Variants in SNX24 observed in about 807,000 individuals in gnomAD.
SNX24 encodes sorting nexin 24.
SNX24 carries 22 observed loss-of-function variants against 28.7 expected under a neutral mutation model. The ratio of observed to expected loss-of-function variants is 0.77; its 90% CI spans 0.55 to 1.10. The LOEUF is 1.10. Among genes scored for constraint, SNX24 ranks in the 50% least tolerant of loss-of-function variants. The pLI, the probability that SNX24 is intolerant of heterozygous loss-of-function variation, is 0.00. For synonymous variants in SNX24, 69 were observed against 71.5 expected (o/e 0.96, Z 0.18); for missense variants, 221 against 201.1 (o/e 1.10, Z -0.60).
chr5:122,941,858 T>C (rs1759464346), intron 2 of SNX24, among the ~76,000 whole-genome samples: 1 of 152,212 alleles, frequency 6.6e-6, no homozygotes, highest in African/African-American at 2.4e-5. Flanking sequence ...TTGTAGCTCC[T>C]CTGCTAGTAC....
At position 122,853,865 on chromosome 5, in the gene SNX24, G is replaced by C. The variant is rs554537058; in HGVS notation, c.60+8172G>C. On this transcript the variant is annotated intron_variant, in intron 1 of 6. Coordinates refer to ENST00000261369, the MANE Select transcript of SNX24 (RefSeq NM_014035.4). ...CTAGGAGTGTACAATCAAATGACTG[G>C]TTTTAAAATCACTTGGATTGGTTCT... 5 of 161,480 alleles carry C rather than the reference G, an allele frequency of 3.1e-5. No homozygotes were observed. The South Asian group carries it at 6.6e-4, about 21-fold the overall frequency. 10.0% of individuals were successfully genotyped at this position (161,480 alleles called of 1,614,324 possible). A position where few individuals can be genotyped will look rare whatever the true frequency, so the allele number is the denominator to read the frequency against.
chr5:122,954,749 G>GT (rs1454534927), intron 3 of SNX24, among the ~76,000 whole-genome samples: 1 of 151,338 alleles, frequency 6.6e-6, no homozygotes, highest in Non-Finnish European at 1.5e-5. Context: ...CAGTCATATT[G>GT]TTTTTCCCCT....
At chr5:123,018,940 C>T (rs1266423893) in intron 5 of SNX24, among the ~76,000 whole-genome samples, 1 of 152,186 alleles carries the variant, frequency 6.6e-6, no homozygotes, top group Admixed American at 6.5e-5. Context: ...CCGCCTCGGC[C>T]TCCCAAAGTG....
chr5:122,935,906 C>G (rs1759160360), intron 1 of SNX24, among the ~76,000 whole-genome samples: 1 of 152,116 alleles, frequency 6.6e-6, no homozygotes, highest in South Asian at 2.1e-4. Flanking sequence ...TCTCACTTAG[C>G]AAAACACAAG....
intron 3 of SNX24, among the ~76,000 whole-genome samples, chr5:122,954,349 A>G (rs984034512): frequency 2.0e-5 from 3 of 152,044 alleles, no homozygotes; most frequent in African/African-American, 4.8e-5. Flanking sequence ...AATGTCTTGT[A>G]TTTTAACTTG....
Position 122,964,000 on chromosome 5 carries a change from C to T in SNX24, c.249+17841C>T, listed in dbSNP as rs563925758. On this transcript the variant is annotated intron_variant, in intron 3 of 6. Coordinates refer to ENST00000261369, the MANE Select transcript of SNX24 (RefSeq NM_014035.4). ...GCTCATGCCTGTAATCCCAGGACTT[C>T]GGGAGGCTGAGGTGGGCAGATCACA... Among the ~76,000 whole-genome samples the T allele has an allele frequency of 3.9e-5, 6 of 151,972 alleles. No homozygotes were observed. The East Asian group carries it at 5.8e-4, about 15-fold the overall frequency.
chr5:122,991,045 C>T (rs771124432), intron 3 of SNX24, among the ~76,000 whole-genome samples: 32 of 151,840 alleles, frequency 2.1e-4, no homozygotes, highest in Non-Finnish European at 3.7e-4. Context: ...TACAGGTGCC[C>T]ACCACCACAC....
chr5:122,929,274 C>T (rs1304982200), intron 1 of SNX24, among the ~76,000 whole-genome samples: 1 of 152,118 alleles, frequency 6.6e-6, no homozygotes, highest in Non-Finnish European at 1.5e-5. Flanking sequence ...AGTGCTTGTC[C>T]CTCCTCTTTG....
chr5:123,023,676 C>A, intron 5 of SNX24: 1 of 765,456 alleles, frequency 1.3e-6, no homozygotes, highest in Non-Finnish European at 1.8e-6. Context: ...TTCAAAGTCC[C>A]TAAGCAGGTG....
intron 5 of SNX24, chr5:123,023,881 A>G (rs372644782): frequency 4.3e-6 from 7 of 1,612,366 alleles, no homozygotes; most frequent in East Asian, 4.5e-5. Context: ...TGTGTCACCA[A>G]TCAGCGATCT....
chr5:122,898,791 C>T (rs1757312999), intron 1 of SNX24, among the ~76,000 whole-genome samples: 1 of 152,180 alleles, frequency 6.6e-6, no homozygotes, highest in South Asian at 2.1e-4. Flanking sequence ...TTAATATTTT[C>T]AAAGCATTCT....
intron 1 of SNX24, among the ~76,000 whole-genome samples, chr5:122,848,191 C>T (rs1363547114): frequency 6.6e-6 from 1 of 152,176 alleles, no homozygotes; most frequent in East Asian, 1.9e-4. Context: ...CAGCCTTGGA[C>T]TCTTGGGCTC....
intron 1 of SNX24, among the ~76,000 whole-genome samples, chr5:122,880,508 T>A (rs139295787): frequency 1.3e-5 from 2 of 152,214 alleles, no homozygotes; most frequent in Non-Finnish European, 2.9e-5. Context: ...TGAGGATGCA[T>A]GAACCTGCCT....
intron 1 of SNX24, among the ~76,000 whole-genome samples, chr5:122,908,126 T>C (rs552600004): frequency 2.0e-5 from 3 of 152,342 alleles, no homozygotes; most frequent in South Asian, 4.1e-4. Context: ...TGGCACGATA[T>C]AATGAAGTTG....
intron 3 of SNX24, among the ~76,000 whole-genome samples, chr5:122,967,435 C>T (rs538274061): frequency 1.3e-5 from 2 of 152,264 alleles, no homozygotes; most frequent in South Asian, 4.2e-4. Context: ...ATCTGATGAG[C>T]GCCTGTGGGA....
intron 6 of SNX24, among the ~76,000 whole-genome samples, chr5:123,005,451 G>A (rs1048954427): frequency 6.6e-6 from 1 of 152,084 alleles, no homozygotes; most frequent in Admixed American, 6.5e-5. Context: ...TCCAGCCCAT[G>A]CCCTGCTGTA....
intron 1 of SNX24, among the ~76,000 whole-genome samples, chr5:122,914,642 G>A (rs933765616): frequency 6.6e-6 from 1 of 150,504 alleles, no homozygotes; most frequent in African/African-American, 2.5e-5. Context: ...TATGTGTCGA[G>A]GAATTTATCC....
At chr5:122,940,319 A>T (rs30040) in intron 2 of SNX24, among the ~76,000 whole-genome samples, 27,434 of 151,884 alleles carry the variant, frequency 0.18, 2,964 homozygotes, top group East Asian at 0.47. Context: ...TATTCCTACC[A>T]TCCCAGTCCA....
At chr5:122,918,680 G>A (rs1239976637) in intron 1 of SNX24, among the ~76,000 whole-genome samples, 1 of 152,138 alleles carries the variant, frequency 6.6e-6, no homozygotes, top group Non-Finnish European at 1.5e-5. Flanking sequence ...AGAGTATGTG[G>A]TGATGATCTA....
Sources: gnomAD v4.1 joint callset for allele counts (sites outside exome capture counted in the v4.1 genomes callset) on GRCh38, gnomAD v4.1.1 for gene constraint, MANE v1.5 for transcripts, NCBI Gene and HGNC (gene_info 2026-07-23, HGNC 2026-07-21) for gene names.